Variants in TCP1 observed in about 807,000 individuals in gnomAD.
TCP1 encodes T-complex protein 1 subunit alpha.
TCP1 carries 6 observed loss-of-function variants against 54.7 expected under a neutral mutation model. That is an observed-to-expected ratio of 0.11 (90% CI 0.06 to 0.22). TCP1 has a LOEUF of 0.22. Ranked by LOEUF, TCP1 falls within the 10% of genes least tolerant of loss-of-function variation. TCP1 has a pLI of 1.00. For missense variants in TCP1, 511 were observed against 678.2 expected, an observed-to-expected ratio of 0.75 and a Z score of 2.74; for synonymous variants, 225 against 229.7, an observed-to-expected ratio of 0.98 and a Z score of 0.19.
At chr6:159,785,875 T>A (rs751094594) in intron 4 of TCP1, 25 bp downstream of exon 4, 2 of 1,593,162 alleles carry the variant, frequency 1.3e-6, no homozygotes, top group Admixed American at 1.7e-5. Flanking sequence ...TCAAAAAAAA[T>A]TTCTCTGAAT....
chr6:159,785,708 A>G (rs1780680871), intron 4 of TCP1, 192 bp downstream of exon 4: 2 of 788,118 alleles, frequency 2.5e-6, no homozygotes, highest in Non-Finnish European at 4.5e-6. Context: ...TATTATTAGG[A>G]GAAAATGTGG....
Position 159,789,541 on chromosome 6 carries a change from G to C in TCP1, c.-73C>G. ...CAGTATCGCGGCCCCTCGGCCGACC[G>C]GCGACCACAGCAGTGGCTGCGACGG... On this transcript the variant is annotated 5_prime_UTR_variant, in exon 1 of 12. Coordinates refer to ENST00000321394, the MANE Select transcript of TCP1 (RefSeq NM_030752.3). 1 of 1,569,844 alleles carries C rather than the reference G, an allele frequency of 6.4e-7. No homozygotes were observed. The highest frequency in any genetic ancestry group is 1.4e-5 in the African/African-American group (1 of 73,856).
At chr6:159,784,870 T>C (rs1416997100) in intron 5 of TCP1, 23 bp from the exon 6 acceptor site, 3 of 1,613,816 alleles carry the variant, frequency 1.9e-6, no homozygotes, top group Non-Finnish European at 2.5e-6. Flanking sequence ...TTAAGGACAG[T>C]AACAGGTTTG....
At chr6:159,788,528 T>A (rs1780754413) in intron 1 of TCP1, 2 of 170,360 alleles carry the variant, frequency 1.2e-5, no homozygotes, top group South Asian at 2.6e-4. Context: ...ACCCTGTCCC[T>A]AAACAAAGCG....
chr6:159,784,014 G>C lies in TCP1; in HGVS notation c.724C>G (p.Gln242Glu). The change falls in exon 7 of 12, where the codon CAA (glutamine) becomes GAA (glutamate). Residue 242 changes from glutamine to glutamate, a missense_variant. Gln to Glu is a conservative substitution (Grantham distance 29). Coordinates refer to ENST00000321394, the MANE Select transcript of TCP1 (RefSeq NM_030752.3). The part of the protein sequence containing the change: ...AKIACLDFSL[Q>E]KTKMKLGVQV... ...ACACCAAGCTTCATTTTTGTTTTTT[G>C]CAGGCTGAAGTCAAGGCAAGCAATT... 1.2e-6 allele frequency: 2 copies of C among 1,613,238 alleles called. No individual in the cohort carries two copies.
rs557500772 is a variant in TCP1 at position 159,786,635 on chromosome 6, AACT to A, written c.280-641_280-639del. 2.7e-3 allele frequency among the ~76,000 whole-genome samples: 404 copies of A among 152,368 alleles called. 2 individuals are homozygous for A. Among genetic ancestry groups the A allele is most frequent in the African/African-American group, 9.2e-3 (384 of 41,584 alleles). Reference sequence around the variant, plus strand: ...GACTGTCAGCTTCTTATGGAAGGAAAACTACATTTGTTAAATCACATTATCGTA... The same window carrying A: ...GACTGTCAGCTTCTTATGGAAGGAAAACATTTGTTAAATCACATTATCGTA... On this transcript the variant is annotated intron_variant, in intron 3 of 11. Coordinates refer to ENST00000321394, the MANE Select transcript of TCP1 (RefSeq NM_030752.3).
chr6:159,784,328 G>A (rs548491565), intron 6 of TCP1, among the ~76,000 whole-genome samples: 5 of 147,714 alleles, frequency 3.4e-5, no homozygotes, highest in East Asian at 2.0e-4. Context: ...TTTTTGAGAC[G>A]GAGTCTCACT....
chr6:159,788,347 C>T, intron 1 of TCP1: 5 of 502,518 alleles, frequency 9.9e-6, no homozygotes, highest in Admixed American at 3.4e-5. Context: ...CCCAACACTG[C>T]GAGGCCGAGG....
At chr6:159,786,825 G>T (rs1780708525) in intron 3 of TCP1, among the ~76,000 whole-genome samples, 1 of 152,192 alleles carries the variant, frequency 6.6e-6, no homozygotes, top group Non-Finnish European at 1.5e-5. Context: ...CATGCTGGAT[G>T]ATCTATGAAG....
chr6:159,788,892 T>C (rs1438503755), intron 1 of TCP1: 1 of 154,986 alleles, frequency 6.5e-6, no homozygotes, highest in Non-Finnish European at 1.4e-5. Context: ...CTAACTCTAC[T>C]GTAAGAAGCT....
intron 6 of TCP1, 31 bp from the exon 7 acceptor site, chr6:159,784,098 G>C (rs754951860): frequency 5.0e-6 from 8 of 1,602,008 alleles, no homozygotes; most frequent in Non-Finnish European, 6.8e-6. Context: ...AAGTTAATAC[G>C]TCTATCCTTA....
intron 1 of TCP1, 162 bp downstream of exon 1, chr6:159,789,242 GC>G (rs759308633): frequency 5.6e-5 from 41 of 736,306 alleles, no homozygotes; most frequent in Non-Finnish European, 8.5e-5. Flanking sequence ...TGGGGCCACA[GC>G]GCCCTGCCCC....
intron 6 of TCP1, among the ~76,000 whole-genome samples, chr6:159,784,307 ATTT>A (rs5881340): frequency 3.5e-5 from 5 of 144,058 alleles, no homozygotes. Context: ...AACATTTTTT[ATTT>A]TTTTTTTTTT....
chr6:159,778,765 G>T lies in TCP1; in HGVS notation c.*280C>A. 1 of 1,614,236 alleles carries T rather than the reference G, an allele frequency of 6.2e-7. No homozygotes were observed. The highest frequency in any genetic ancestry group is 1.1e-5 in the South Asian group (1 of 91,086). ...ACACTGGAGAGAATGGGCAGAAGTC[G>T]TGGTGTTGCAGCCCTGTGCATTGGG... On this transcript the variant is annotated 3_prime_UTR_variant, in exon 12 of 12. Coordinates refer to ENST00000321394, the MANE Select transcript of TCP1 (RefSeq NM_030752.3).
Position 159,779,410 on chromosome 6 carries a change from G to C in TCP1, c.1455-149C>G, listed in dbSNP as rs1413563336. The C allele has an allele frequency of 1.2e-5, 12 of 965,094 alleles. No individual in the cohort carries two copies. In the East Asian group the frequency reaches 3.1e-4, roughly 25 times the overall value. The allele number at this position is 965,094 out of a possible 1,614,324, so 59.8% of individuals were successfully genotyped here. A position where few individuals can be genotyped will look rare whatever the true frequency, so the allele number is the denominator to read the frequency against. ...CTTTCTACCAAAAGAAGCAGGGAGA[G>C]ATTAGCAATCACAGTTAACGAAGAC... is the stretch of plus-strand genomic sequence containing the variant. On this transcript the variant is annotated intron_variant, in intron 11 of 11. Transcript: ENST00000321394.
chr6:159,785,771 TA>T, intron 4 of TCP1, 128 bp downstream of exon 4: 1 of 847,266 alleles, frequency 1.2e-6, no homozygotes, highest in South Asian at 1.4e-5. Context: ...CAAATATTAC[TA>T]CTTAAATGCT....
At chr6:159,789,251 C>T in intron 1 of TCP1, 154 bp downstream of exon 1, 1 of 812,358 alleles carries the variant, frequency 1.2e-6, no homozygotes, top group South Asian at 1.7e-5. Context: ...AGCGCCCTGC[C>T]CCAGAGAACG....
In TCP1 at chr6:159,786,121, G is replaced by A. The variant is rs555494286; in HGVS notation, c.280-124C>T. The A allele has an allele frequency of 1.1e-4, 76 of 706,774 alleles. 1 individual carries two copies. The South Asian group carries it at 1.2e-3, about 11-fold the overall frequency. The allele number at this position is 706,774 out of a possible 1,614,324, so 43.8% of individuals were successfully genotyped here. The stretch of plus-strand genomic sequence containing the variant: ...TGGTAGTGATGAAATGAATTAACTG[G>A]TTATTAGAAACCTGGGCGTGAAGGG... On this transcript the variant is annotated intron_variant, in intron 3 of 11. Coordinates refer to ENST00000321394, the MANE Select transcript of TCP1 (RefSeq NM_030752.3).
chr6:159,788,026 A>C, intron 2 of TCP1, 32 bp downstream of exon 2: 2 of 1,610,556 alleles, frequency 1.2e-6, no homozygotes, highest in Non-Finnish European at 1.7e-6. Flanking sequence ...TTTTACTTTA[A>C]GGAAACTAAC....
Sources: gnomAD v4.1 joint callset for allele counts (sites outside exome capture counted in the v4.1 genomes callset) on GRCh38, gnomAD v4.1.1 for gene constraint, MANE v1.5 for transcripts, NCBI Gene and HGNC (gene_info 2026-07-23, HGNC 2026-07-21) for gene names.